The following CNTN6 variants were observed in gnomAD, a reference collection of about 807,000 sequenced individuals.
The protein encoded by CNTN6 is contactin 6.
Under a neutral mutation model 122.8 loss-of-function variants are expected in CNTN6, and 137 were observed. The ratio of observed to expected loss-of-function variants is 1.12; its 90% CI spans 0.97 to 1.29. CNTN6 has a LOEUF of 1.29. CNTN6 is among the 50% of genes most tolerant of loss of function. CNTN6 has a pLI of 0.00. For missense variants in CNTN6, 1,634 were observed against 1,223.4 expected (o/e 1.34, Z -5.01); for synonymous variants, 570 against 426.0 (o/e 1.34, Z -4.16).
chr3:1,390,768 C>T (rs1317978410), intron 20 of CNTN6, among the ~76,000 whole-genome samples: 1 of 151,656 alleles, frequency 6.6e-6, no homozygotes, highest in Admixed American at 6.6e-5. Flanking sequence ...TCAGAGAATA[C>T]TACAAACACC....
intron 12 of CNTN6, among the ~76,000 whole-genome samples, chr3:1,361,908 A>G (rs943232797): frequency 1.3e-5 from 2 of 152,124 alleles, no homozygotes; most frequent in African/African-American, 4.8e-5. Context: ...ATTCCTAAGC[A>G]GTATAAATCA....
chr3:1,296,580 G>C (rs1696279390), intron 6 of CNTN6, among the ~76,000 whole-genome samples: 1 of 152,126 alleles, frequency 6.6e-6, no homozygotes, highest in Admixed American at 6.5e-5. Flanking sequence ...ACCTCGTGGA[G>C]TTTTTCTCCC....
At chr3:1,312,156 G>T (rs60115706) in intron 7 of CNTN6, among the ~76,000 whole-genome samples, 27 of 152,054 alleles carry the variant, frequency 1.8e-4, no homozygotes, top group African/African-American at 4.8e-4. Flanking sequence ...TGCCCTAAAA[G>T]TTGGCCTCTT....
intron 4 of CNTN6, among the ~76,000 whole-genome samples, chr3:1,270,245 C>T (rs932444946): frequency 6.6e-6 from 1 of 152,004 alleles, no homozygotes; most frequent in African/African-American, 2.4e-5. Flanking sequence ...TACTATAGAA[C>T]TAAAACAAAA....
At chr3:1,207,801 A>C (rs548208924) in intron 2 of CNTN6, among the ~76,000 whole-genome samples, 2 of 152,230 alleles carry the variant, frequency 1.3e-5, no homozygotes, top group East Asian at 3.9e-4. Flanking sequence ...AATGAATAAA[A>C]AATAAATTAA....
chr3:1,351,067 T>C (rs3796174), intron 11 of CNTN6, among the ~76,000 whole-genome samples: 83,033 of 151,628 alleles, frequency 0.55, 24,412 homozygotes, highest in African/African-American at 0.75. Context: ...AATCTGATTA[T>C]ATGCCATGGA....
At chr3:1,178,094 T>A (rs1575133009) in intron 2 of CNTN6, among the ~76,000 whole-genome samples, 1 of 151,836 alleles carries the variant, frequency 6.6e-6, no homozygotes, top group East Asian at 1.9e-4. Flanking sequence ...AGAGGCAGGG[T>A]TTCACCATGT....
At chr3:1,329,709 GC>G in intron 10 of CNTN6, 75 bp from the exon 11 acceptor site, 1 of 1,261,382 alleles carries the variant, frequency 7.9e-7, no homozygotes. Context: ...ATTCTGTCTA[GC>G]ATAGCAAGTC....
intron 21 of CNTN6, 112 bp downstream of exon 21, chr3:1,401,657 T>C: frequency 1.5e-6 from 1 of 679,984 alleles, no homozygotes; most frequent in Non-Finnish European, 2.5e-6. Flanking sequence ...GGAATCTTTT[T>C]CAAAATTATT....
chr3:1,292,596 G>A (rs1695513200), intron 5 of CNTN6, among the ~76,000 whole-genome samples: 1 of 152,084 alleles, frequency 6.6e-6, no homozygotes, highest in Admixed American at 6.5e-5. Flanking sequence ...CATCAGGTGT[G>A]GGAATCAGTG....
intron 2 of CNTN6, among the ~76,000 whole-genome samples, chr3:1,219,140 T>C (rs2094170071): frequency 6.6e-6 from 1 of 152,230 alleles, no homozygotes; most frequent in Non-Finnish European, 1.5e-5. Flanking sequence ...CAGTGAGGCA[T>C]ATTTGCATTG....
chr3:1,240,742 T>C (rs556419673), intron 4 of CNTN6, among the ~76,000 whole-genome samples: 1 of 151,596 alleles, frequency 6.6e-6, no homozygotes, highest in South Asian at 2.1e-4. Flanking sequence ...AAAAATTTCA[T>C]GTGTGTCCGT....
intron 2 of CNTN6, among the ~76,000 whole-genome samples, chr3:1,209,515 G>C (rs79090394): frequency 0.066 from 9,978 of 152,186 alleles, 403 homozygotes; most frequent in Middle Eastern, 0.11. Flanking sequence ...TTCAAGTATG[G>C]CTTGAATCTA....
intron 1 of CNTN6, among the ~76,000 whole-genome samples, chr3:1,104,288 C>CA (rs1223972220): frequency 1.3e-5 from 2 of 152,056 alleles, no homozygotes; most frequent in East Asian, 3.9e-4. Context: ...TAGTGAGATG[C>CA]ACCAAAAAGA....
chr3:1,232,170 C>T (rs1224024383), intron 4 of CNTN6, among the ~76,000 whole-genome samples: 1 of 152,124 alleles, frequency 6.6e-6, no homozygotes, highest in Admixed American at 6.5e-5. Context: ...AAAAGATAAA[C>T]ATTTATGATA....
intron 1 of CNTN6, among the ~76,000 whole-genome samples, chr3:1,144,271 A>C (rs2092677115): frequency 6.6e-6 from 1 of 152,048 alleles, no homozygotes; most frequent in Non-Finnish European, 1.5e-5. Context: ...ACTTCATATA[A>C]ATTTGAGATA....
At chr3:1,256,082 G>T (rs1412793591) in intron 4 of CNTN6, among the ~76,000 whole-genome samples, 1 of 151,946 alleles carries the variant, frequency 6.6e-6, no homozygotes, top group Non-Finnish European at 1.5e-5. Context: ...TGTTGCCCAC[G>T]CTAGTTTTGA....
intron 4 of CNTN6, among the ~76,000 whole-genome samples, chr3:1,235,972 A>T (rs978197797): frequency 2.0e-5 from 3 of 151,862 alleles, no homozygotes; most frequent in Non-Finnish European, 4.4e-5. Context: ...GAACTGTATG[A>T]CTCAGCAGAG....
intron 11 of CNTN6, among the ~76,000 whole-genome samples, chr3:1,349,801 C>T (rs1157384474): frequency 1.3e-5 from 2 of 151,514 alleles, no homozygotes; most frequent in African/African-American, 4.8e-5. Flanking sequence ...TTTATATTGT[C>T]ATGAGATTAA....
Sources: gnomAD v4.1 joint callset for allele counts (sites outside exome capture counted in the v4.1 genomes callset) on GRCh38, gnomAD v4.1.1 for gene constraint, MANE v1.5 for transcripts, NCBI Gene and HGNC (gene_info 2026-07-23, HGNC 2026-07-21) for gene names.